Variants in AXDND1 observed in about 807,000 individuals in gnomAD.
The protein encoded by AXDND1 is axonemal dynein light chain domain containing 1.
In AXDND1, 110 loss-of-function variants were observed where a neutral mutation model predicts 137.5. The ratio of observed to expected loss-of-function variants is 0.80; its 90% confidence interval spans 0.69 to 0.94. The LOEUF (loss-of-function observed/expected upper bound fraction) is 0.94. Among genes scored for constraint, AXDND1 ranks in the 40% least tolerant of loss-of-function variants. The pLI, the probability that AXDND1 is intolerant of heterozygous loss-of-function variation, is 0.00. For synonymous variants in AXDND1, 414 were observed against 399.7 expected (o/e 1.04, Z -0.43); for missense variants, 1,191 against 1,169.8 (o/e 1.02, Z -0.26).
chr1:179,387,614 A>G (rs1649429421), intron 9 of AXDND1, among the ~76,000 whole-genome samples: 1 of 152,210 alleles, frequency 6.6e-6, no homozygotes, highest in East Asian at 1.9e-4. Context: ...TTTTCATACA[A>G]ATATTCGTTA....
At chr1:179,506,759 C>T (rs1431256099) in intron 20 of AXDND1, 1 of 576,882 alleles carries the variant, frequency 1.7e-6, no homozygotes, top group African/African-American at 2.0e-5. Context: ...TCCTCTATGC[C>T]ATTTGGTCTC....
At chr1:179,441,983 G>T (rs1266863988) in intron 15 of AXDND1, among the ~76,000 whole-genome samples, 1 of 152,198 alleles carries the variant, frequency 6.6e-6, no homozygotes, top group African/African-American at 2.4e-5. Context: ...AATGGGCTCT[G>T]TACGCTATTA....
At chr1:179,539,798 C>G (rs1671938058) in intron 25 of AXDND1, among the ~76,000 whole-genome samples, 1 of 152,130 alleles carries the variant, frequency 6.6e-6, no homozygotes. Context: ...TAACTTGATT[C>G]CATTCTCCCC....
chr1:179,525,232 C>A, intron 21 of AXDND1, 102 bp from the exon 22 acceptor site: 1 of 1,186,946 alleles, frequency 8.4e-7, no homozygotes, highest in Non-Finnish European at 1.1e-6. Flanking sequence ...TTGTCACTAG[C>A]ACAGTACCCA....
chr1:179,472,116 C>A (rs1020350763), intron 17 of AXDND1, among the ~76,000 whole-genome samples: 1 of 152,166 alleles, frequency 6.6e-6, no homozygotes, highest in Non-Finnish European at 1.5e-5. Context: ...AGGCTAGTCT[C>A]GAATTCCTGA....
chr1:179,525,794 C>CAT (rs35491447), intron 22 of AXDND1, among the ~76,000 whole-genome samples: 91,732 of 141,228 alleles, frequency 0.65, 28,380 homozygotes, highest in Non-Finnish European at 0.7. Context: ...ATGCTTGGAC[C>CAT]ATATATATAT....
At chr1:179,466,552 A>C (rs531438613) in intron 16 of AXDND1, among the ~76,000 whole-genome samples, 1 of 152,108 alleles carries the variant, frequency 6.6e-6, no homozygotes, top group African/African-American at 2.4e-5. Flanking sequence ...AGAATTTATT[A>C]ACTTTTAGAG....
intron 17 of AXDND1, among the ~76,000 whole-genome samples, chr1:179,475,906 G>A (rs1369059761): frequency 6.6e-6 from 1 of 152,146 alleles, no homozygotes; most frequent in Non-Finnish European, 1.5e-5. Flanking sequence ...AAGGGAAGGA[G>A]GTGATTGGAT....
intron 12 of AXDND1, among the ~76,000 whole-genome samples, chr1:179,418,778 G>T (rs1295519443): frequency 6.6e-6 from 1 of 152,050 alleles, no homozygotes; most frequent in Non-Finnish European, 1.5e-5. Context: ...TCACTTCCCA[G>T]ATGGGGTGGC....
chr1:179,546,482 A>G (rs1012962200), intron 25 of AXDND1, among the ~76,000 whole-genome samples: 1 of 151,382 alleles, frequency 6.6e-6, no homozygotes, highest in African/African-American at 2.5e-5. Flanking sequence ...TCCCAAGCAG[A>G]GTGGAGGGAG....
At chr1:179,379,506 A>T in intron 6 of AXDND1, 24 bp downstream of exon 6, 1 of 1,595,428 alleles carries the variant, frequency 6.3e-7, no homozygotes, top group Non-Finnish European at 8.5e-7. Flanking sequence ...TATGTAAAAA[A>T]TACCTGCCCC....
Position 179,483,268 on chromosome 1 carries a change from C to T in AXDND1, c.2091+47C>T, listed in dbSNP as rs749275773. ...TGACGTTATATTTTGCCTCGGCTGG[C>T]AAATTTCTTCAAGGAAAAATAATGC... On this transcript the variant is annotated intron_variant, in intron 18 of 25. Transcript: ENST00000367618. 3.0e-6 allele frequency: 4 copies of T among 1,341,260 alleles called. No homozygotes were observed. The South Asian group carries it at 5.5e-5, about 19-fold the overall frequency. The allele number at this position is 1,341,260 out of a possible 1,614,324, so 83.1% of individuals were successfully genotyped here. A position where few individuals can be genotyped will look rare whatever the true frequency, so the allele number is the denominator to read the frequency against.
At chr1:179,474,056 C>G (rs1664304363) in intron 17 of AXDND1, among the ~76,000 whole-genome samples, 1 of 151,996 alleles carries the variant, frequency 6.6e-6, no homozygotes, top group Non-Finnish European at 1.5e-5. Flanking sequence ...AAACCCCCGT[C>G]TCTACTAAAA....
chr1:179,398,549 A>G (rs532219343), intron 11 of AXDND1, among the ~76,000 whole-genome samples: 16 of 152,284 alleles, frequency 1.1e-4, no homozygotes, highest in Non-Finnish European at 1.2e-4. Context: ...GCCTGCTTCC[A>G]TGTGGGTGTC....
chr1:179,465,284 G>A (rs1018970861), intron 16 of AXDND1, among the ~76,000 whole-genome samples: 3 of 152,112 alleles, frequency 2.0e-5, no homozygotes, highest in Non-Finnish European at 2.9e-5. Flanking sequence ...TGATGGTGAC[G>A]TACAGATGTG....
intron 11 of AXDND1, among the ~76,000 whole-genome samples, chr1:179,396,951 G>C (rs1651168442): frequency 6.6e-6 from 1 of 152,102 alleles, no homozygotes; most frequent in Non-Finnish European, 1.5e-5. Flanking sequence ...GCAACTCTGT[G>C]CCTTTTAATC....
At chr1:179,407,776 T>C (rs1653208645) in intron 11 of AXDND1, among the ~76,000 whole-genome samples, 1 of 152,202 alleles carries the variant, frequency 6.6e-6, no homozygotes, top group African/African-American at 2.4e-5. Context: ...TTCTTGTATC[T>C]GGATGTCTTT....
In AXDND1 at chr1:179,383,291, A is replaced by G. The variant is rs1038911113; in HGVS notation, c.639-151A>G. The G allele has an allele frequency of 1.8e-5, 10 of 569,054 alleles. No homozygotes were observed. In the Admixed American group the frequency reaches 2.1e-4, roughly 12 times the overall value. The allele number at this position is 569,054 out of a possible 1,614,324, so 35.3% of individuals were successfully genotyped here. On this transcript the variant is annotated intron_variant, in intron 7 of 25. Coordinates refer to ENST00000367618, the MANE Select transcript of AXDND1 (RefSeq NM_144696.6). ...TTTCTACTATATTATTGATCTCCCAATAGATTAATAGACACAGGTCTAATG... is the reference window on the plus strand; with the variant it reads ...TTTCTACTATATTATTGATCTCCCAGTAGATTAATAGACACAGGTCTAATG...
chr1:179,378,851 A>G lies in AXDND1; in HGVS notation c.495+94A>G, dbSNP rs962589697. The G allele has an allele frequency of 6.8e-6, 7 of 1,033,268 alleles. No individual in the cohort carries two copies. In the African/African-American group the frequency reaches 1.2e-4, roughly 17 times the overall value. The allele number at this position is 1,033,268 out of a possible 1,614,324, so 64.0% of individuals were successfully genotyped here. Reference sequence around the variant, plus strand: ...TTTTAATATAAATATAAAATATAAAACAACGTCATACTATAACAACCTGCA... The same window carrying G: ...TTTTAATATAAATATAAAATATAAAGCAACGTCATACTATAACAACCTGCA... On this transcript the variant is annotated intron_variant, in intron 5 of 25. Coordinates refer to ENST00000367618, the MANE Select transcript of AXDND1 (RefSeq NM_144696.6).
Sources: gnomAD v4.1 joint callset for allele counts (sites outside exome capture counted in the v4.1 genomes callset) on GRCh38, gnomAD v4.1.1 for gene constraint, MANE v1.5 for transcripts, NCBI Gene and HGNC (gene_info 2026-07-23, HGNC 2026-07-21) for gene names.